The following MYT1L variants were observed in gnomAD, a reference collection of about 807,000 sequenced individuals.
MYT1L encodes the protein myelin transcription factor 1-like protein.
In MYT1L, 12 loss-of-function variants were observed where a neutral mutation model predicts 126.7. The ratio of observed to expected loss-of-function variants is 0.09; its 90% CI spans 0.06 to 0.15. MYT1L has a LOEUF of 0.15. Ranked by LOEUF, MYT1L falls within the 10% of genes least tolerant of loss-of-function variation. The pLI is 1.00. For synonymous variants in MYT1L, 541 were observed against 604.2 expected (o/e 0.90, Z 1.53); for missense variants, 979 against 1,585.2 (o/e 0.62, Z 6.49).
chr2:2,320,055 T>C (rs1472840347), intron 1 of MYT1L, among the ~76,000 whole-genome samples: 1 of 152,132 alleles, frequency 6.6e-6, no homozygotes, highest in African/African-American at 2.4e-5. Context: ...AGCTTGTCTG[T>C]CACTGAAAAC....
At chr2:2,250,284 T>C (rs1320218692) in intron 2 of MYT1L, among the ~76,000 whole-genome samples, 1 of 152,096 alleles carries the variant, frequency 6.6e-6, no homozygotes, top group East Asian at 1.9e-4. Context: ...CATCAACAGA[T>C]GAATGGATAA....
In MYT1L at chr2:1,801,405, T is replaced by C. The variant is rs1409213270; in HGVS notation, c.3276+291A>G. ...AAGTATCTTGGAAGGAAAACCTTCA[T>C]TGTTTGCAGGAACAGGCGATCCTCT... On this transcript the variant is annotated intron_variant, in intron 23 of 24. Coordinates refer to ENST00000647738, the MANE Select transcript of MYT1L (RefSeq NM_001303052.2). The surrounding 1 kb of genome is among the most constrained non-coding windows in gnomAD (Gnocchi z 4.2). The C allele has an allele frequency of 6.7e-6, 2 of 297,138 alleles. No individual in the cohort carries two copies. Among genetic ancestry groups the C allele is most frequent in the African/African-American group, 2.2e-5 (1 of 46,118 alleles). 18.4% of individuals were successfully genotyped at this position (297,138 alleles called of 1,614,324 possible).
At chr2:2,290,957 C>A (rs2095590307) in intron 1 of MYT1L, among the ~76,000 whole-genome samples, 1 of 152,034 alleles carries the variant, frequency 6.6e-6, no homozygotes, top group South Asian at 2.1e-4. Context: ...CCACTTCCTC[C>A]ATTAGATAAA....
At chr2:2,024,639 A>G (rs72767342) in intron 4 of MYT1L, among the ~76,000 whole-genome samples, 14,673 of 152,142 alleles carry the variant, frequency 0.096, 824 homozygotes, top group Non-Finnish European at 0.12. Context: ...TGTTGTTGCC[A>G]TTGGTTTTTT....
chr2:2,261,492 CCT>C (rs1236614014), intron 2 of MYT1L, among the ~76,000 whole-genome samples: 4 of 152,116 alleles, frequency 2.6e-5, no homozygotes, highest in African/African-American at 4.8e-5. Flanking sequence ...AGTCCTCCCC[CCT>C]GTTAGGTAGG....
In MYT1L at chr2:2,012,440, AG is replaced by A. The variant is rs2063927490; in HGVS notation, c.-157-15094del. Among the ~76,000 whole-genome samples, 4 of 152,214 alleles carry A rather than the reference AG, an allele frequency of 2.6e-5. No individual in the cohort carries two copies. In the South Asian group the frequency reaches 8.3e-4, roughly 32 times the overall value. On this transcript the variant is annotated intron_variant, in intron 4 of 24. Transcript: ENST00000647738. The stretch of plus-strand genomic sequence containing the variant: ...AAGTTGCAGAGGCAGAAGGTAGATT[AG>A]TGGCCACTTGGGGCCAGAGTCGGGG...
intron 8 of MYT1L, among the ~76,000 whole-genome samples, chr2:1,960,411 T>A (rs2058867558): frequency 6.6e-6 from 1 of 152,240 alleles, no homozygotes; most frequent in African/African-American, 2.4e-5. Context: ...AAGCTGGGAC[T>A]AAATAAAAGT....
At chr2:1,938,867 T>G (rs1261135226) in intron 9 of MYT1L, among the ~76,000 whole-genome samples, 1 of 152,200 alleles carries the variant, frequency 6.6e-6, no homozygotes, top group Non-Finnish European at 1.5e-5. Flanking sequence ...AAATAAATAC[T>G]TAATCTTAAA....
chr2:1,873,260 C>T (rs761970552), intron 18 of MYT1L, among the ~76,000 whole-genome samples: 10 of 152,078 alleles, frequency 6.6e-5, no homozygotes, highest in Non-Finnish European at 1.5e-4. Context: ...TAGTGGATCT[C>T]AAATATAATA....
chr2:1,862,900 G>A (rs1348312170), intron 18 of MYT1L, among the ~76,000 whole-genome samples: 4 of 152,156 alleles, frequency 2.6e-5, no homozygotes, highest in Non-Finnish European at 4.4e-5. Flanking sequence ...GGAGAAGAAG[G>A]AGAAAGGAGG....
rs774551369 is a variant in MYT1L at position 2,180,248 on chromosome 2, G to A, written c.-420-7260C>T. Among the ~76,000 whole-genome samples the A allele has an allele frequency of 6.0e-4, 91 of 152,186 alleles. 1 individual carries two copies. The highest frequency in any genetic ancestry group is 2.1e-4 in the Non-Finnish European group (14 of 68,002). On this transcript the variant is annotated intron_variant, in intron 2 of 24. Coordinates refer to ENST00000647738, the MANE Select transcript of MYT1L (RefSeq NM_001303052.2). ...CCCCCCAAGGAACTCATGGCTCCTTGAGAGTACAGAAGATGTTTATTACTT... is the reference window on the plus strand; with the variant it reads ...CCCCCCAAGGAACTCATGGCTCCTTAAGAGTACAGAAGATGTTTATTACTT...
chr2:1,882,821 C>A (rs1293603984), intron 18 of MYT1L, among the ~76,000 whole-genome samples: 1 of 152,264 alleles, frequency 6.6e-6, no homozygotes, highest in Non-Finnish European at 1.5e-5. Flanking sequence ...AGAATCTAAG[C>A]CTCGGGATGG....
At chr2:2,253,752 G>A (rs984401709) in intron 2 of MYT1L, among the ~76,000 whole-genome samples, 21 of 151,774 alleles carry the variant, frequency 1.4e-4, no homozygotes, top group African/African-American at 4.4e-4. Flanking sequence ...AAGCGGGGCA[G>A]GAGGGCAAGT....
At chr2:2,247,755 C>T in intron 2 of MYT1L, among the ~76,000 whole-genome samples, 1 of 152,002 alleles carries the variant, frequency 6.6e-6, no homozygotes. Context: ...TTTACAAATA[C>T]ATAGAAATTA....
intron 21 of MYT1L, among the ~76,000 whole-genome samples, chr2:1,815,178 C>A (rs1392068117): frequency 6.6e-6 from 1 of 152,108 alleles, no homozygotes; most frequent in African/African-American, 2.4e-5. Flanking sequence ...TCAGTGAGCT[C>A]CGGCCGCCAC....
intron 21 of MYT1L, among the ~76,000 whole-genome samples, chr2:1,820,031 TG>T (rs10713046): frequency 0.38 from 43,019 of 112,238 alleles, 6,510 homozygotes; most frequent in East Asian, 0.69. Context: ...CAGAGGGCAG[TG>T]GGGGGGGGCC....
chr2:2,026,658 C>T (rs934622600), intron 4 of MYT1L, among the ~76,000 whole-genome samples: 1 of 152,274 alleles, frequency 6.6e-6, no homozygotes, highest in African/African-American at 2.4e-5. Context: ...TGCAGGAGGG[C>T]GGGGTGCCCA....
intron 1 of MYT1L, among the ~76,000 whole-genome samples, chr2:2,311,371 C>T (rs1396340480): frequency 6.6e-6 from 1 of 152,228 alleles, no homozygotes; most frequent in Non-Finnish European, 1.5e-5. Context: ...GATCAGGCTA[C>T]TGCTCTGCCT....
At chr2:1,870,790 T>G (rs1375721506) in intron 18 of MYT1L, among the ~76,000 whole-genome samples, 5 of 152,244 alleles carry the variant, frequency 3.3e-5, no homozygotes, top group Non-Finnish European at 7.3e-5. Flanking sequence ...AAATCTTGTC[T>G]CTGTGAAAAG....
Sources: allele counts gnomAD v4.1 joint callset (sites outside exome capture counted in the v4.1 genomes callset), GRCh38; gene constraint gnomAD v4.1.1; non-coding constraint Gnocchi (gnomAD v3.1); transcripts MANE v1.5; gene names NCBI Gene and HGNC (gene_info 2026-07-23, HGNC 2026-07-21).